The following RXYLT1 variants were observed in gnomAD, a reference collection of about 807,000 sequenced individuals.
RXYLT1 encodes ribitol-5-phosphate xylosyltransferase 1.
Under a neutral mutation model 43.5 loss-of-function variants are expected in RXYLT1, and 41 were observed. The ratio of observed to expected loss-of-function variants is 0.94; its 90% confidence interval spans 0.73 to 1.22. RXYLT1 has a LOEUF of 1.22. Among genes scored for constraint, RXYLT1 ranks in the 50% most tolerant of loss-of-function variants. The pLI is 0.00. For synonymous variants in RXYLT1, 166 were observed against 194.4 expected, an observed-to-expected ratio of 0.85 and a Z score of 1.21; for missense variants, 514 against 532.0, an observed-to-expected ratio of 0.97 and a Z score of 0.33.
chr12:63,808,449 T>TA (rs1898360569), intron 5 of RXYLT1: 2 of 531,818 alleles, frequency 3.8e-6, no homozygotes, highest in African/African-American at 2.0e-5. Context: ...TCAGAAGTGT[T>TA]ACGGTGACTC....
intron 4 of RXYLT1, among the ~76,000 whole-genome samples, chr12:63,802,739 T>A (rs550391556): frequency 1.3e-5 from 2 of 152,212 alleles, no homozygotes; most frequent in East Asian, 3.9e-4. Flanking sequence ...AATGATAGTA[T>A]CTATATATAG....
Position 63,808,986 on chromosome 12 carries a change from AAAG to A in RXYLT1, c.1232_1234del (p.Arg411del). The A allele has an allele frequency of 1.2e-6, 2 of 1,612,496 alleles. No individual in the cohort carries two copies. The highest frequency in any genetic ancestry group is 1.7e-6 in the Non-Finnish European group (2 of 1,179,320). On this transcript the variant is annotated inframe_deletion, in exon 6 of 6. Transcript: ENST00000261234. Reference sequence around the variant, plus strand: ...ACTATAATTTTACAAGAAAAAATTGAAAGAAGAAAAATGTTACTTCAGTGGTAT... The same window carrying A: ...ACTATAATTTTACAAGAAAAAATTGAAAGAAAAATGTTACTTCAGTGGTAT...
In RXYLT1 at chr12:63,808,947, T is replaced by C; in HGVS notation, c.1187T>C (p.Leu396Ser). The change falls in exon 6 of 6, where the codon TTA becomes TCA. Residue 396 changes from leucine (L) to serine (S), a missense_variant. Physicochemically the swap from Leu to Ser is moderately radical, Grantham distance 145. Coordinates refer to ENST00000261234, the MANE Select transcript of RXYLT1 (RefSeq NM_014254.3). ...AACTGGAAGGAACTCCCTGCTGTTTTAGAAAAAGAGAAAACTATAATTTTA... is the reference window on the plus strand; with the variant it reads ...AACTGGAAGGAACTCCCTGCTGTTTCAGAAAAAGAGAAAACTATAATTTTA... ...IKNWKELPAV[L>S]EKEKTIILQE... 1.2e-6 allele frequency: 2 copies of C among 1,613,546 alleles called. No individual in the cohort carries two copies. The highest frequency in any genetic ancestry group is 1.7e-6 in the Non-Finnish European group (2 of 1,179,972).
chr12:63,799,550 T>A (rs1898112922), intron 3 of RXYLT1, among the ~76,000 whole-genome samples: 1 of 152,038 alleles, frequency 6.6e-6, no homozygotes, highest in African/African-American at 2.4e-5. Flanking sequence ...CTCAGTCAAC[T>A]AAAGTGCTGG....
Position 63,781,145 on chromosome 12 carries a change from G to T in RXYLT1, c.296G>T (p.Ser99Ile), listed in dbSNP as rs550445278. 5.0e-6 allele frequency: 8 copies of T among 1,601,026 alleles called. No individual in the cohort carries two copies. In the African/African-American group the frequency reaches 1.1e-4, roughly 22 times the overall value. ...TCCACGAAAGGAAAAACAGATCTCA[G>T]TGTACAAATCTGGGGCAAAGCTGCC... ...DKSTKGKTDL[S>I]VQIWGKAAIG... The change falls in exon 2 of 6, where the codon AGT becomes ATT. Residue 99 changes from serine to isoleucine, a missense_variant. Ser to Ile is a moderately radical substitution (Grantham distance 142, BLOSUM62 -2). Transcript: ENST00000261234.
intron 3 of RXYLT1, among the ~76,000 whole-genome samples, chr12:63,797,397 C>T (rs577283694): frequency 6.6e-6 from 1 of 152,214 alleles, no homozygotes; most frequent in East Asian, 1.9e-4. Context: ...TGGGGCCTAT[C>T]AACAAATGTT....
In RXYLT1 at chr12:63,802,110, G is replaced by T; in HGVS notation, c.448G>T (p.Val150Leu). 1 of 1,602,822 alleles carries T rather than the reference G, an allele frequency of 6.2e-7. No individual in the cohort carries two copies. Among genetic ancestry groups the T allele is most frequent in the Non-Finnish European group, 8.5e-7 (1 of 1,173,988 alleles). ...TQYSFITGPA[V>L]IPGYFSVDVN... ...TAACAGCTTCATCACTGGTCCAGCT[G>T]TAATACCAGGGTACTTCTCCGTTGA... Residue 150 changes from valine to leucine, a missense_variant, in exon 4 of 6, where the codon GTA becomes TTA. Coordinates refer to ENST00000261234, the MANE Select transcript of RXYLT1 (RefSeq NM_014254.3).
chr12:63,808,666 A>G lies in RXYLT1; in HGVS notation c.915-9A>G. The G allele has an allele frequency of 1.9e-6, 3 of 1,591,970 alleles. No individual in the cohort carries two copies. The South Asian group carries it at 3.5e-5, about 18-fold the overall frequency. Reference sequence around the variant, plus strand: ...AGTGAAAACTACAGTTGTTTTTCTGATTTTCTAGCTGGCAGCCTCAGGAAA... The same window carrying G: ...AGTGAAAACTACAGTTGTTTTTCTGGTTTTCTAGCTGGCAGCCTCAGGAAA... On this transcript the variant is annotated splice_polypyrimidine_tract_variant and intron_variant, in intron 5 of 5. Coordinates refer to ENST00000261234, the MANE Select transcript of RXYLT1 (RefSeq NM_014254.3).
In RXYLT1 at chr12:63,799,586, C is replaced by CA. The variant is rs563536605; in HGVS notation, c.429-2504dup. On this transcript the variant is annotated intron_variant, in intron 3 of 5. Coordinates refer to ENST00000261234, the MANE Select transcript of RXYLT1 (RefSeq NM_014254.3). ...GATTACAGGCATGAGCCACCACACC[C>CA]AGCTGTATGGCACTCTGAAATTGTT... Among the ~76,000 whole-genome samples, 238 of 152,178 alleles carry CA rather than the reference C, an allele frequency of 1.6e-3. 1 individual carries two copies. The highest frequency in any genetic ancestry group is 5.5e-3 in the African/African-American group (230 of 41,536).
intron 5 of RXYLT1, chr12:63,806,281 G>C (rs1483516898): frequency 1.3e-5 from 2 of 152,232 alleles, no homozygotes; most frequent in African/African-American, 2.4e-5. Flanking sequence ...GCTTGTTGGA[G>C]TAGACAAGCA....
intron 3 of RXYLT1, among the ~76,000 whole-genome samples, chr12:63,795,138 AAC>A (rs1898001124): frequency 6.6e-6 from 1 of 152,230 alleles, no homozygotes; most frequent in East Asian, 1.9e-4. Flanking sequence ...CTCTACAAAA[AAC>A]ACAAAAATTA....
At chr12:63,783,175 C>T (rs7304269) in intron 2 of RXYLT1, among the ~76,000 whole-genome samples, 6,287 of 152,252 alleles carry the variant, frequency 0.041, 382 homozygotes, top group East Asian at 0.13. Context: ...CTTTAATACG[C>T]ATATTCTAGG....
chr12:63,785,218 A>G (rs1178098212), intron 3 of RXYLT1, 146 bp downstream of exon 3: 6 of 461,710 alleles, frequency 1.3e-5, no homozygotes, highest in African/African-American at 1.2e-4. Context: ...AGTAAATCTC[A>G]TGAATATGTA....
chr12:63,805,271 A>G lies in RXYLT1; in HGVS notation c.781A>G (p.Met261Val). 6.2e-7 allele frequency: 1 copy of G among 1,612,556 alleles called. No homozygotes were observed. The highest frequency in any genetic ancestry group is 8.5e-7 in the Non-Finnish European group (1 of 1,179,578). Residue 261 changes from methionine to valine, a missense_variant, in exon 5 of 6, where the codon ATG becomes GTG. Transcript: ENST00000261234. ...NFPVVEASWSMLHDERPYLCN... is the reference protein window; with the variant it reads ...NFPVVEASWSVLHDERPYLCN... The stretch of plus-strand genomic sequence containing the variant: ...TCCTGTGGTGGAGGCAAGTTGGTCA[A>G]TGCTGCATGATGAGAGGCCATATTT...
At chr12:63,793,707 T>A (rs547376858) in intron 3 of RXYLT1, among the ~76,000 whole-genome samples, 10 of 152,238 alleles carry the variant, frequency 6.6e-5, no homozygotes, top group African/African-American at 9.6e-5. Flanking sequence ...GAAAAACAAA[T>A]ATTTATGACC....
chr12:63,804,718 A>G (rs1472104170), intron 4 of RXYLT1: 2 of 152,286 alleles, frequency 1.3e-5, no homozygotes, highest in Non-Finnish European at 1.5e-5. Context: ...ACAGTGCATT[A>G]TTATTTATTA....
intron 3 of RXYLT1, among the ~76,000 whole-genome samples, chr12:63,799,601 C>T (rs535983714): frequency 6.6e-6 from 1 of 152,054 alleles, no homozygotes. Flanking sequence ...GTATGGCACT[C>T]TGAAATTGTT....
chr12:63,789,691 C>T (rs1051413751), intron 3 of RXYLT1, among the ~76,000 whole-genome samples: 2 of 152,150 alleles, frequency 1.3e-5, no homozygotes, highest in Non-Finnish European at 2.9e-5. Flanking sequence ...TTTAAGAGAA[C>T]TATATTCAAG....
intron 5 of RXYLT1, chr12:63,807,788 C>G (rs542917123): frequency 6.6e-6 from 1 of 152,310 alleles, no homozygotes; most frequent in East Asian, 1.9e-4. Context: ...GTCTCGAACT[C>G]CTGACCTCAG....
Sources: gnomAD v4.1 joint callset for allele counts (sites outside exome capture counted in the v4.1 genomes callset) on GRCh38, gnomAD v4.1.1 for gene constraint, MANE v1.5 for transcripts, NCBI Gene and HGNC (gene_info 2026-07-23, HGNC 2026-07-21) for gene names.